Variants in SAMMSON observed in about 807,000 individuals in gnomAD.
SAMMSON encodes long intergenic non-protein coding RNA 1212.
chr3:70,140,982 T>G (rs1469329495), intron 4 of SAMMSON, among the ~76,000 whole-genome samples: 1 of 152,188 alleles, frequency 6.6e-6, no homozygotes, highest in Admixed American at 6.5e-5. Flanking sequence ...TCATCAGAAT[T>G]GCCCTTCGTG....
At chr3:70,261,211 C>A (rs759854870) in intron 6 of SAMMSON, among the ~76,000 whole-genome samples, 10 of 152,198 alleles carry the variant, frequency 6.6e-5, no homozygotes, top group Admixed American at 1.3e-4. Flanking sequence ...GTGGTCAAAG[C>A]TTTGAATCAT....
At chr3:70,341,219 T>A (rs1228311557) in intron 7 of SAMMSON, among the ~76,000 whole-genome samples, 1 of 152,042 alleles carries the variant, frequency 6.6e-6, no homozygotes, top group Admixed American at 6.6e-5. Flanking sequence ...AGCTTGGCCC[T>A]GCTATGATTC....
At chr3:70,329,044 GA>G (rs1156496931) in intron 7 of SAMMSON, among the ~76,000 whole-genome samples, 11 of 151,994 alleles carry the variant, frequency 7.2e-5, no homozygotes, top group African/African-American at 2.7e-4. Context: ...TGAAAGAAAA[GA>G]AATCAACCAG....
At chr3:70,190,659 C>T (rs1468885638) in intron 4 of SAMMSON, among the ~76,000 whole-genome samples, 1 of 152,128 alleles carries the variant, frequency 6.6e-6, no homozygotes, top group Non-Finnish European at 1.5e-5. Context: ...TAAAACATTG[C>T]TAATATAGTA....
chr3:70,155,865 G>A (rs1369014786), intron 4 of SAMMSON, among the ~76,000 whole-genome samples: 1 of 152,028 alleles, frequency 6.6e-6, no homozygotes, highest in Non-Finnish European at 1.5e-5. Context: ...AGGGCTAATA[G>A]GTGTTAGAGC....
intron 7 of SAMMSON, among the ~76,000 whole-genome samples, chr3:70,336,508 GGTTTGTGGGAGAA>G (rs1702661302): frequency 6.6e-6 from 1 of 151,962 alleles, no homozygotes; most frequent in Admixed American, 6.6e-5. Context: ...CAATCTTGGA[GGTTTGTGGGAGAA>G]ATTTGTGGGA....
chr3:70,015,186 C>G (rs761040160), intron 3 of SAMMSON: 8 of 152,342 alleles, frequency 5.3e-5, no homozygotes, highest in Middle Eastern at 3.4e-3. Flanking sequence ...GAGGCTGAGG[C>G]AGGAGAATGG....
At chr3:70,034,710 A>C (rs1271868601) in intron 3 of SAMMSON, among the ~76,000 whole-genome samples, 2 of 152,048 alleles carry the variant, frequency 1.3e-5, no homozygotes, top group Non-Finnish European at 2.9e-5. Flanking sequence ...TGGGCATGGT[A>C]GCGGGCACCT....
chr3:70,030,755 G>A (rs920745177), intron 3 of SAMMSON: 2 of 152,078 alleles, frequency 1.3e-5, no homozygotes, highest in Non-Finnish European at 2.9e-5. Context: ...TTGTCCATAG[G>A]ATATATACAG....
chr3:70,288,818 C>G (rs1702196070), intron 6 of SAMMSON, among the ~76,000 whole-genome samples: 1 of 151,604 alleles, frequency 6.6e-6, no homozygotes, highest in African/African-American at 2.4e-5. Flanking sequence ...ATGTAATGGC[C>G]TTCTTTGTCT....
chr3:70,376,577 T>C (rs1292027154), intron 9 of SAMMSON, among the ~76,000 whole-genome samples: 3 of 152,148 alleles, frequency 2.0e-5, no homozygotes, highest in African/African-American at 7.2e-5. Flanking sequence ...AATGGGACTT[T>C]GGCACAGAGC....
intron 6 of SAMMSON, among the ~76,000 whole-genome samples, chr3:70,267,572 T>TTG: frequency 9.7e-6 from 1 of 103,018 alleles, no homozygotes; most frequent in Middle Eastern, 4.6e-3. Flanking sequence ...CCGGCTAATT[T>TTG]TTTGTATTTT....
At chr3:70,254,926 TA>T (rs1701801111) in intron 6 of SAMMSON, among the ~76,000 whole-genome samples, 1 of 152,226 alleles carries the variant, frequency 6.6e-6, no homozygotes, top group African/African-American at 2.4e-5. Flanking sequence ...CATTCCTCTG[TA>T]ATGGTTTCCT....
chr3:70,171,020 A>C (rs1336536638), intron 4 of SAMMSON, among the ~76,000 whole-genome samples: 1 of 151,888 alleles, frequency 6.6e-6, no homozygotes, highest in East Asian at 1.9e-4. Context: ...ATATGGACTC[A>C]AGTAACTTTA....
chr3:70,358,136 A>G (rs1270942777), intron 8 of SAMMSON: 1 of 152,196 alleles, frequency 6.6e-6, no homozygotes, highest in East Asian at 1.9e-4. Flanking sequence ...GACTTATAAT[A>G]CATAAATTAC....
chr3:70,074,887 T>A (rs952367165), intron 4 of SAMMSON: 3 of 152,282 alleles, frequency 2.0e-5, no homozygotes, highest in East Asian at 1.9e-4. Context: ...ATCTTACTTA[T>A]CTTTTCAGGT....
chr3:70,138,158 GT>G (rs1313702249), intron 4 of SAMMSON, among the ~76,000 whole-genome samples: 1 of 152,126 alleles, frequency 6.6e-6, no homozygotes, highest in Non-Finnish European at 1.5e-5. Flanking sequence ...GTCACAAAAA[GT>G]TTTTTGTGTT....
intron 6 of SAMMSON, among the ~76,000 whole-genome samples, chr3:70,287,791 G>C (rs1424064785): frequency 6.6e-6 from 1 of 150,952 alleles, no homozygotes; most frequent in African/African-American, 2.4e-5. Context: ...TCTTGGGAGA[G>C]TGTATGTGTC....
chr3:70,428,027 G>A (rs1298959704), intron 2 of SAMMSON, among the ~76,000 whole-genome samples: 3 of 152,150 alleles, frequency 2.0e-5, no homozygotes, highest in Non-Finnish European at 1.5e-5. Flanking sequence ...AAATACTGTA[G>A]CGTAAAGTTG....
Sources: allele counts gnomAD v4.1 joint callset (sites outside exome capture counted in the v4.1 genomes callset), GRCh38; gene constraint gnomAD v4.1.1; transcripts MANE v1.5; gene names NCBI Gene and HGNC (gene_info 2026-07-23, HGNC 2026-07-21).